The following RELT variants were observed in gnomAD, a reference collection of about 807,000 sequenced individuals.
RELT encodes the protein RELT TNF receptor.
RELT carries 37 observed loss-of-function variants against 51.1 expected under a neutral mutation model. The ratio of observed to expected loss-of-function variants is 0.72; its 90% CI spans 0.56 to 0.95. The LOEUF (loss-of-function observed/expected upper bound fraction) is 0.95. Among genes scored for constraint, RELT ranks in the 40% least tolerant of loss-of-function variants. The pLI, the probability that RELT is intolerant of heterozygous loss-of-function variation, is 0.00. For synonymous variants in RELT, 241 were observed against 235.7 expected, an observed-to-expected ratio of 1.02 and a Z score of -0.21; for missense variants, 535 against 572.6, an observed-to-expected ratio of 0.93 and a Z score of 0.67.
chr11:73,391,580 A>C (rs1866215650), intron 5 of RELT, among the ~76,000 whole-genome samples: 1 of 152,152 alleles, frequency 6.6e-6, no homozygotes, highest in African/African-American at 2.4e-5. Flanking sequence ...CCAAGGCAGG[A>C]GGATCACTTT....
In RELT at chr11:73,389,129, G is replaced by A; in HGVS notation, c.-8G>A. 2 of 1,548,250 alleles carry A rather than the reference G, an allele frequency of 1.3e-6. No individual in the cohort carries two copies. The highest frequency in any genetic ancestry group is 1.7e-6 in the Non-Finnish European group (2 of 1,146,514). Reference sequence around the variant, plus strand: ...TGCCCTAGGCCGGCGACCACCAGGGGCCTGAGGATGAAGCCAAGTCTGCTG... The same window carrying A: ...TGCCCTAGGCCGGCGACCACCAGGGACCTGAGGATGAAGCCAAGTCTGCTG... On this transcript the variant is annotated 5_prime_UTR_variant, in exon 2 of 11. Coordinates refer to ENST00000064780, the MANE Select transcript of RELT (RefSeq NM_152222.2).
At chr11:73,383,209 G>T (rs1365510297) in intron 1 of RELT, among the ~76,000 whole-genome samples, 4 of 152,200 alleles carry the variant, frequency 2.6e-5, no homozygotes, top group Non-Finnish European at 5.9e-5. Flanking sequence ...GGAGGGGGCA[G>T]GAGTGGAGCA....
intron 6 of RELT, chr11:73,393,401 G>T: frequency 8.6e-7 from 1 of 1,161,792 alleles, no homozygotes. Context: ...GCTGACTAGG[G>T]GCACTCAGTT....
rs180728518 is a variant in RELT at position 73,377,979 on chromosome 11, C to G, written c.-26+1480C>G. Among the ~76,000 whole-genome samples the G allele has an allele frequency of 5.3e-5, 8 of 152,314 alleles. No homozygotes were observed. The East Asian group carries it at 1.5e-3, about 29-fold the overall frequency. ...TCCCACCCAAAGGCTTCCTGGTCCT[C>G]TGTCACGAAATGGATCCATAGACAA... On this transcript the variant is annotated intron_variant, in intron 1 of 10. Transcript: ENST00000064780.
rs753533038 is a variant in RELT at position 73,394,699 on chromosome 11, G to A, written c.1011G>A (p.Gly337=). ...TRVPKAGAKA[G]RQGEITILSV... ...TTCCCAAGGCCGGGGCCAAGGCAGG[G>A]CGTCAGGGCGAGATCACCATCTTGT... Residue 337 remains glycine (G), a synonymous_variant, in exon 9 of 11, where the codon GGG becomes GGA. Coordinates refer to ENST00000064780, the MANE Select transcript of RELT (RefSeq NM_152222.2). The surrounding 1 kb of genome is among the most constrained non-coding windows in gnomAD (Gnocchi z 4.9). The A allele has an allele frequency of 6.2e-7, 1 of 1,612,346 alleles. No individual in the cohort carries two copies. The highest frequency in any genetic ancestry group is 8.5e-7 in the Non-Finnish European group (1 of 1,179,942).
rs1479213416 is a variant in RELT at position 73,376,426 on chromosome 11, C to G, written c.-99C>G. The G allele has an allele frequency of 3.5e-4, 53 of 151,930 alleles. No homozygotes were observed. Among genetic ancestry groups the G allele is most frequent in the Admixed American group, 3.3e-3 (51 of 15,264 alleles). 9.4% of individuals were successfully genotyped at this position (151,930 alleles called of 1,614,324 possible). ...AAGGCGCGCAGGCTGCGCGGCTGTC[C>G]GGGCGCTCGCCGAGCCGGGCCGCGG... On this transcript the variant is annotated 5_prime_UTR_variant, in exon 1 of 11. Transcript: ENST00000064780.
Position 73,390,606 on chromosome 11 carries a change from C to T in RELT, c.101C>T (p.Pro34Leu), listed in dbSNP as rs750936266. The T allele has an allele frequency of 6.2e-7, 1 of 1,613,966 alleles. No homozygotes were observed. Among genetic ancestry groups the T allele is most frequent in the Admixed American group, 1.7e-5 (1 of 60,028 alleles). Residue 34 changes from proline to leucine, a missense_variant, in exon 3 of 11, where the codon CCT becomes CTT. Pro to Leu is a moderately conservative substitution (Grantham distance 98). Transcript: ENST00000064780. ...TCAACAACCCTTTGGCAGTGCCCAC[C>T]TGGGGAGGAGCCCGACCTGGTGAGC... ...LTSTTLWQCP[P>L]GEEPDLDPGQ... is the part of the protein sequence containing the mutation.
chr11:73,395,827 AG>A lies in RELT; in HGVS notation c.*340del. 2.2e-6 allele frequency: 1 copy of A among 445,528 alleles called. No homozygotes were observed. Among genetic ancestry groups the A allele is most frequent in the Non-Finnish European group, 4.1e-6 (1 of 244,070 alleles). 27.6% of individuals were successfully genotyped at this position (445,528 alleles called of 1,614,324 possible). ...TCAGAGGCTGGGCTTGGCAGAGGGG[AG>A]GGGCCTGTGCCCGTCACCCCTGGCC... is the stretch of plus-strand genomic sequence containing the variant. On this transcript the variant is annotated 3_prime_UTR_variant, in exon 11 of 11. Coordinates refer to ENST00000064780, the MANE Select transcript of RELT (RefSeq NM_152222.2).
At position 73,394,922 on chromosome 11, in the gene RELT, T is replaced by C. The variant is rs939531041; in HGVS notation, c.1047-165T>C. 4.5e-6 allele frequency: 4 copies of C among 888,732 alleles called. No homozygotes were observed. The African/African-American group carries it at 6.7e-5, about 15-fold the overall frequency. The allele number at this position is 888,732 out of a possible 1,614,324, so 55.1% of individuals were successfully genotyped here. ...CTTTCCGGTTATGTTGTGTCTCACA[T>C]GGAGCCCTTGCATCCCTAGGGCAGC... On this transcript the variant is annotated intron_variant, in intron 9 of 10. Transcript: ENST00000064780. This position sits in a 1 kb window ranked among gnomAD's most constrained non-coding sequence, Gnocchi z 4.9.
intron 1 of RELT, among the ~76,000 whole-genome samples, chr11:73,387,848 G>A (rs925526663): frequency 2.0e-5 from 3 of 152,212 alleles, no homozygotes; most frequent in African/African-American, 7.2e-5. Flanking sequence ...TGGAGTCACA[G>A]CGGGGGCCTC....
At chr11:73,378,923 C>A (rs1208514865) in intron 1 of RELT, among the ~76,000 whole-genome samples, 1 of 152,152 alleles carries the variant, frequency 6.6e-6, no homozygotes, top group Non-Finnish European at 1.5e-5. Context: ...CTTGAGAGGC[C>A]CCCTCCCCTT....
chr11:73,394,527 A>G lies in RELT; in HGVS notation c.839A>G (p.His280Arg). Reference protein sequence around the residue: ...NVPHICPHRHHLHTVQGLASL... With the variant: ...NVPHICPHRHRLHTVQGLASL... Reference sequence around the variant, plus strand: ...CCACACATCTGCCCGCACCGCCACCATCTCCACACCGTGCAGGGCCTGGCC... The same window carrying G: ...CCACACATCTGCCCGCACCGCCACCGTCTCCACACCGTGCAGGGCCTGGCC... The change falls in exon 9 of 11, where the codon CAT becomes CGT. Residue 280 changes from histidine (H) to arginine (R), a missense_variant. By Grantham distance (29) the His-to-Arg change is conservative. Coordinates refer to ENST00000064780, the MANE Select transcript of RELT (RefSeq NM_152222.2). The surrounding 1 kb of genome is among the most constrained non-coding windows in gnomAD (Gnocchi z 4.9). 1.2e-6 allele frequency: 2 copies of G among 1,611,260 alleles called. No homozygotes were observed. Among genetic ancestry groups the G allele is most frequent in the Non-Finnish European group, 8.5e-7 (1 of 1,179,862 alleles).
In RELT at chr11:73,390,941, G is replaced by A; in HGVS notation, c.287+20G>A. Reference sequence around the variant, plus strand: ...GCCTGGGTAAGCCAAAGGGAGTGCGGGGAGGGCTCCTGGCTGGGTGACCAG... The same window carrying A: ...GCCTGGGTAAGCCAAAGGGAGTGCGAGGAGGGCTCCTGGCTGGGTGACCAG... On this transcript the variant is annotated intron_variant, in intron 4 of 10. Transcript: ENST00000064780. 6.2e-7 allele frequency: 1 copy of A among 1,607,094 alleles called. No homozygotes were observed. The highest frequency in any genetic ancestry group is 1.1e-5 in the South Asian group (1 of 90,068).
chr11:73,394,533 A>G lies in RELT; in HGVS notation c.845A>G (p.His282Arg), dbSNP rs1336532833. 6.2e-7 allele frequency: 1 copy of G among 1,611,086 alleles called. No individual in the cohort carries two copies. The highest frequency in any genetic ancestry group is 8.5e-7 in the Non-Finnish European group (1 of 1,179,850). The change falls in exon 9 of 11, where the codon CAC becomes CGC. Residue 282 changes from histidine (H) to arginine (R), a missense_variant. Transcript: ENST00000064780. This position sits in a 1 kb window ranked among gnomAD's most constrained non-coding sequence, Gnocchi z 4.9. ...PHICPHRHHL[H>R]TVQGLASLSG... ...ATCTGCCCGCACCGCCACCATCTCC[A>G]CACCGTGCAGGGCCTGGCCTCGCTC...
At chr11:73,393,675 C>T in intron 6 of RELT, 162 bp from the exon 7 acceptor site, 1 of 1,585,462 alleles carries the variant, frequency 6.3e-7, no homozygotes, top group Non-Finnish European at 8.6e-7. Context: ...CTTCTCTGAG[C>T]CTGGATCCCA....
chr11:73,380,428 T>G (rs1475414366), intron 1 of RELT, among the ~76,000 whole-genome samples: 1 of 152,208 alleles, frequency 6.6e-6, no homozygotes, highest in Non-Finnish European at 1.5e-5. Context: ...CTGTCCCTGC[T>G]CAGGCCCTGT....
chr11:73,383,371 A>G (rs1866077616), intron 1 of RELT, among the ~76,000 whole-genome samples: 2 of 152,206 alleles, frequency 1.3e-5, no homozygotes, highest in Admixed American at 6.5e-5. Flanking sequence ...TTCAGTTCAC[A>G]GCTCCCTTTC....
chr11:73,381,992 C>A (rs780259127), intron 1 of RELT, among the ~76,000 whole-genome samples: 6 of 152,144 alleles, frequency 3.9e-5, no homozygotes, highest in South Asian at 4.1e-4. Context: ...CCTCAGTATC[C>A]CATGAGGCAG....
chr11:73,387,796 T>A (rs760652421), intron 1 of RELT, among the ~76,000 whole-genome samples: 2 of 152,164 alleles, frequency 1.3e-5, no homozygotes, highest in Non-Finnish European at 1.5e-5. Flanking sequence ...TCTGAGTGAT[T>A]TGGGACTACC....
Sources: allele counts gnomAD v4.1 joint callset (sites outside exome capture counted in the v4.1 genomes callset), GRCh38; gene constraint gnomAD v4.1.1; non-coding constraint Gnocchi (gnomAD v3.1); transcripts MANE v1.5; gene names NCBI Gene and HGNC (gene_info 2026-07-23, HGNC 2026-07-21).